Variants in AQP1 observed in about 807,000 individuals in gnomAD.
AQP1 encodes the protein aquaporin 1 (Colton blood group).
Under a neutral mutation model 19.7 loss-of-function variants are expected in AQP1, and 11 were observed. The observed-to-expected ratio is 0.56, with a 90% CI of 0.35 to 0.92. The LOEUF is 0.92. Among genes scored for constraint, AQP1 ranks in the 40% least tolerant of loss-of-function variants. The pLI is 0.01. For missense variants in AQP1, 320 were observed against 369.7 expected (o/e 0.87, Z 1.10); for synonymous variants, 159 against 166.7 (o/e 0.95, Z 0.36).
rs1293979493 is a variant in AQP1, at chr7:30,923,069, A to G, written c.631-381A>G. ...TCCCCATCTGTAAACTGAGCTCAACACAGAGGAGGCGCTCAGTGGATTTTA... is the reference window on the plus strand; with the variant it reads ...TCCCCATCTGTAAACTGAGCTCAACGCAGAGGAGGCGCTCAGTGGATTTTA... On this transcript the variant is annotated intron_variant, in intron 3 of 3. Transcript: ENST00000311813. This position sits in a 1 kb window ranked among gnomAD's most constrained non-coding sequence, Gnocchi z 4.8. Among the ~76,000 whole-genome samples the G allele has an allele frequency of 3.3e-5, 5 of 152,256 alleles. No individual in the cohort carries two copies. Among genetic ancestry groups the G allele is most frequent in the Non-Finnish European group, 1.5e-5 (1 of 68,046 alleles).
At position 30,912,112 on chromosome 7, in the gene AQP1, G is replaced by A. The variant is rs968619407; in HGVS notation, c.203G>A (p.Gly68Asp). 3.7e-6 allele frequency: 6 copies of A among 1,613,118 alleles called. No homozygotes were observed. Among genetic ancestry groups the A allele is most frequent in the Non-Finnish European group, 5.1e-6 (6 of 1,180,048 alleles). ...LSIATLAQSVGHISGAHLNPA... is the reference protein window; with the variant it reads ...LSIATLAQSVDHISGAHLNPA... Reference sequence around the variant, plus strand: ...ATCGCCACGCTGGCGCAGAGTGTGGGCCACATCAGCGGCGCCCACCTCAAC... The same window carrying A: ...ATCGCCACGCTGGCGCAGAGTGTGGACCACATCAGCGGCGCCCACCTCAAC... Residue 68 changes from glycine (G) to aspartate (D), a missense_variant, in exon 1 of 4, where the codon GGC (glycine) becomes GAC (aspartate). Physicochemically the swap from Gly to Asp is moderately conservative, Grantham distance 94. Transcript: ENST00000311813. This position sits in a 1 kb window ranked among gnomAD's most constrained non-coding sequence, Gnocchi z 4.3.
In AQP1 at chr7:30,917,325, C is replaced by T. The variant is rs184735623; in HGVS notation, c.385-4741C>T. ...ACTCTGGGACCCAAGGAGGGTTGGG[C>T]GGGGATTCCTCAATGGAGCCTTTTC... On this transcript the variant is annotated intron_variant, in intron 1 of 3. Transcript: ENST00000311813. Among the ~76,000 whole-genome samples, 6 of 152,226 alleles carry T rather than the reference C, an allele frequency of 3.9e-5. No homozygotes were observed. In the East Asian group the frequency reaches 9.6e-4, roughly 24 times the overall value.
In AQP1 at chr7:30,923,412, T is replaced by G. The variant is rs1292714919; in HGVS notation, c.631-38T>G. ...CTAGGGAACGCTTCCCAGGGGCTTT[T>G]GAGTGGAGCCCTCTGAACACACCTG... On this transcript the variant is annotated intron_variant, in intron 3 of 3. Coordinates refer to ENST00000311813, the MANE Select transcript of AQP1 (RefSeq NM_198098.4). This position sits in a 1 kb window ranked among gnomAD's most constrained non-coding sequence, Gnocchi z 4.8. 37 of 1,613,058 alleles carry G rather than the reference T, an allele frequency of 2.3e-5. No homozygotes were observed. The highest frequency in any genetic ancestry group is 3.1e-5 in the Non-Finnish European group (37 of 1,179,788).
rs1427268856 is a variant in AQP1 at position 30,925,054 on chromosome 7, G to C, written c.*1425G>C. 6.6e-6 allele frequency: 1 copy of C among 152,298 alleles called. No homozygotes were observed. Among genetic ancestry groups the C allele is most frequent in the Admixed American group, 6.5e-5 (1 of 15,290 alleles). The allele number at this position is 152,298 out of a possible 1,614,324, so 9.4% of individuals were successfully genotyped here. A position where few individuals can be genotyped will look rare whatever the true frequency, so the allele number is the denominator to read the frequency against. ...GCTCCACCACTGTGCACTTAGCCAT[G>C]ATGGCAACAGAAACCAAGAGACACA... On this transcript the variant is annotated 3_prime_UTR_variant, in exon 4 of 4. Transcript: ENST00000311813.
chr7:30,921,045 A>C (rs1039023698), intron 1 of AQP1, among the ~76,000 whole-genome samples: 1 of 152,102 alleles, frequency 6.6e-6, no homozygotes, highest in Non-Finnish European at 1.5e-5. Context: ...CCAGCTGGGA[A>C]GTGTTTGGGT....
chr7:30,922,598 G>C lies in AQP1; in HGVS notation c.584G>C (p.Arg195Pro). 3 of 1,614,112 alleles carry C rather than the reference G, an allele frequency of 1.9e-6. No individual in the cohort carries two copies. The highest frequency in any genetic ancestry group is 2.5e-6 in the Non-Finnish European group (3 of 1,180,008). ...DYTGCGINPA[R>P]SFGSAVITHN... is the part of the protein sequence containing the mutation. ...ACTGGCTGTGGGATTAACCCTGCTC[G>C]GTCCTTTGGCTCCGCGGTGATCACA... The change falls in exon 3 of 4, where the codon CGG becomes CCG. Residue 195 changes from arginine (R) to proline (P), a missense_variant. Arg to Pro is a moderately radical substitution (Grantham distance 103, BLOSUM62 -2). Coordinates refer to ENST00000311813, the MANE Select transcript of AQP1 (RefSeq NM_198098.4).
At chr7:30,921,229 A>T in intron 1 of AQP1, 1 of 1,104,110 alleles carries the variant, frequency 9.1e-7, no homozygotes, top group Non-Finnish European at 1.1e-6. Flanking sequence ...CTCCGGGGGC[A>T]GCTGCATGGG....
rs1266659295 is a variant in AQP1 at position 30,924,778 on chromosome 7, G to C, written c.*1149G>C. 2.0e-5 allele frequency: 3 copies of C among 152,262 alleles called. No individual in the cohort carries two copies. Among genetic ancestry groups the C allele is most frequent in the Admixed American group, 6.5e-5 (1 of 15,290 alleles). 9.4% of individuals were successfully genotyped at this position (152,262 alleles called of 1,614,324 possible). On this transcript the variant is annotated 3_prime_UTR_variant, in exon 4 of 4. Transcript: ENST00000311813. ...CAAGCCCTCAGCTGGTCCTGACCAG[G>C]ATGGAGCAAGCTCTTCCCTTGCTCA...
chr7:30,919,249 G>A (rs1367579710), intron 1 of AQP1, among the ~76,000 whole-genome samples: 1 of 152,200 alleles, frequency 6.6e-6, no homozygotes, highest in Non-Finnish European at 1.5e-5. Context: ...ACCCACATAG[G>A]CCGCAGGAAG....
Position 30,912,420 on chromosome 7 carries a change from A to G in AQP1, c.384+127A>G. 7.2e-7 allele frequency: 1 copy of G among 1,385,910 alleles called. No individual in the cohort carries two copies. The allele number at this position is 1,385,910 out of a possible 1,614,324, so 85.9% of individuals were successfully genotyped here. A position where few individuals can be genotyped will look rare whatever the true frequency, so the allele number is the denominator to read the frequency against. The stretch of plus-strand genomic sequence containing the variant: ...AGAGGACAAGAGGTTGCTGGAGGTC[A>G]CGTAGAGAGCTGGGGGGAAGAGCTG... On this transcript the variant is annotated intron_variant, in intron 1 of 3. Coordinates refer to ENST00000311813, the MANE Select transcript of AQP1 (RefSeq NM_198098.4). The surrounding 1 kb of genome is among the most constrained non-coding windows in gnomAD (Gnocchi z 4.3).
rs1222499314 is a variant in AQP1, at chr7:30,923,403, A to G, written c.631-47A>G. The G allele has an allele frequency of 1.2e-6, 2 of 1,612,620 alleles. No individual in the cohort carries two copies. Among genetic ancestry groups the G allele is most frequent in the African/African-American group, 1.3e-5 (1 of 74,872 alleles). On this transcript the variant is annotated intron_variant, in intron 3 of 3. Transcript: ENST00000311813. The surrounding 1 kb of genome is among the most constrained non-coding windows in gnomAD (Gnocchi z 4.8). The stretch of plus-strand genomic sequence containing the variant: ...TGGGGTAACCTAGGGAACGCTTCCC[A>G]GGGGCTTTTGAGTGGAGCCCTCTGA...
At chr7:30,918,999 G>C (rs1272185317) in intron 1 of AQP1, among the ~76,000 whole-genome samples, 1 of 152,196 alleles carries the variant, frequency 6.6e-6, no homozygotes. Flanking sequence ...GCCCTCTAGG[G>C]CTCCCAGAGG....
chr7:30,916,796 G>A (rs142869657), intron 1 of AQP1, among the ~76,000 whole-genome samples: 1 of 152,350 alleles, frequency 6.6e-6, no homozygotes, highest in African/African-American at 2.4e-5. Context: ...TGATATTGTT[G>A]TTGACACGAA....
chr7:30,914,340 G>A lies in AQP1; in HGVS notation c.384+2047G>A, dbSNP rs917447547. Reference sequence around the variant, plus strand: ...GCTGCGGACCCTGACCCTCGAGAGGGAACTCAGGTCTTGTGACCTCACAGC... The same window carrying A: ...GCTGCGGACCCTGACCCTCGAGAGGAAACTCAGGTCTTGTGACCTCACAGC... On this transcript the variant is annotated intron_variant, in intron 1 of 3. Coordinates refer to ENST00000311813, the MANE Select transcript of AQP1 (RefSeq NM_198098.4). Among the ~76,000 whole-genome samples, 3 of 152,190 alleles carry A rather than the reference G, an allele frequency of 2.0e-5. No individual in the cohort carries two copies. In the East Asian group the frequency reaches 5.8e-4, roughly 29 times the overall value.
chr7:30,922,350 G>A, intron 2 of AQP1, 120 bp downstream of exon 2: 2 of 1,437,924 alleles, frequency 1.4e-6, no homozygotes, highest in Non-Finnish European at 1.9e-6. Flanking sequence ...GTGGAGGATG[G>A]CGGGTCAGCG....
intron 1 of AQP1, among the ~76,000 whole-genome samples, chr7:30,913,573 C>G (rs568132000): frequency 1.3e-5 from 2 of 152,136 alleles, no homozygotes; most frequent in African/African-American, 4.8e-5. Context: ...GCTGTCCTCT[C>G]GCTTCCCAGC....
rs886892554 is a variant in AQP1, at chr7:30,922,166, G to A, written c.485G>A (p.Arg162His). 9.9e-6 allele frequency: 16 copies of A among 1,613,112 alleles called. No individual in the cohort carries two copies. Among genetic ancestry groups the A allele is most frequent in the Non-Finnish European group, 1.2e-5 (14 of 1,180,002 alleles). Residue 162 changes from arginine to histidine, a missense_variant, in exon 2 of 4, where the codon CGT becomes CAT. Transcript: ENST00000311813. ...CVLATTDRRRRDLGGSAPLAI... is the reference protein window; with the variant it reads ...CVLATTDRRRHDLGGSAPLAI... ...CTGGCTACTACCGACCGGAGGCGCC[G>A]TGACCTTGGTGGCTCAGCCCCCCTT...
In AQP1 at chr7:30,925,207, C is replaced by T. The variant is rs1791647616; in HGVS notation, c.*1578C>T. 1 of 152,252 alleles carries T rather than the reference C, an allele frequency of 6.6e-6. No individual in the cohort carries two copies. The highest frequency in any genetic ancestry group is 1.5e-5 in the Non-Finnish European group (1 of 68,056). The allele number at this position is 152,252 out of a possible 1,614,324, so 9.4% of individuals were successfully genotyped here. ...CTAGCTCATTTAACAGATAAAGAAA[C>T]TGAGGCCCACGGTTTCAGCTAGACA... On this transcript the variant is annotated 3_prime_UTR_variant, in exon 4 of 4. Transcript: ENST00000311813.
Position 30,923,675 on chromosome 7 carries a change from G to T in AQP1, c.*46G>T, listed in dbSNP as rs760695211. On this transcript the variant is annotated 3_prime_UTR_variant, in exon 4 of 4. Coordinates refer to ENST00000311813, the MANE Select transcript of AQP1 (RefSeq NM_198098.4). This position sits in a 1 kb window ranked among gnomAD's most constrained non-coding sequence, Gnocchi z 4.8. ...CCACGTAGGGGGCAGGGGCAGGGGC[G>T]GGCGGAGGGAGGGGAGGGGTGAAAT... 3 of 1,542,140 alleles carry T rather than the reference G, an allele frequency of 1.9e-6. No homozygotes were observed. Among genetic ancestry groups the T allele is most frequent in the Non-Finnish European group, 2.6e-6 (3 of 1,145,808 alleles).
Sources: allele counts gnomAD v4.1 joint callset (sites outside exome capture counted in the v4.1 genomes callset), GRCh38; gene constraint gnomAD v4.1.1; non-coding constraint Gnocchi (gnomAD v3.1); transcripts MANE v1.5; gene names NCBI Gene and HGNC (gene_info 2026-07-23, HGNC 2026-07-21).